Variants in TENM3 observed in about 807,000 individuals in gnomAD.
The protein encoded by TENM3 is teneurin transmembrane protein 3, also known as teneurin-3.
TENM3 carries 63 observed loss-of-function variants against 255.1 expected under a neutral mutation model. That is an observed-to-expected ratio of 0.25 (90% CI 0.20 to 0.30). The LOEUF (loss-of-function observed/expected upper bound fraction) is 0.30. TENM3 is among the 10% of genes least tolerant of loss of function. The pLI is 1.00. For missense variants in TENM3, 2,929 were observed against 3,461.1 expected (o/e 0.85, Z 3.86); for synonymous variants, 1,306 against 1,322.3 (o/e 0.99, Z 0.27).
intron 3 of TENM3, among the ~76,000 whole-genome samples, chr4:182,394,771 C>A (rs909707603): frequency 5.9e-5 from 9 of 152,264 alleles, no homozygotes; most frequent in Admixed American, 5.9e-4. Flanking sequence ...AAAGCATAAA[C>A]AATGGATTGT....
chr4:182,418,725 C>T (rs1328778928), intron 3 of TENM3, among the ~76,000 whole-genome samples: 1 of 152,108 alleles, frequency 6.6e-6, no homozygotes, highest in Non-Finnish European at 1.5e-5. Flanking sequence ...CAACACCAAG[C>T]TAATTTTTTG....
chr4:182,503,283 C>A (rs1453270352), intron 3 of TENM3, among the ~76,000 whole-genome samples: 1 of 152,150 alleles, frequency 6.6e-6, no homozygotes, highest in East Asian at 1.9e-4. Flanking sequence ...TCCCAAACTT[C>A]TCTTCTGCCA....
chr4:182,527,916 C>T (rs185916070), intron 3 of TENM3, among the ~76,000 whole-genome samples: 49 of 151,942 alleles, frequency 3.2e-4, no homozygotes, highest in East Asian at 2.3e-3. Context: ...TTAGTAGAGA[C>T]GAAGTTTCAC....
the TENM3 span, among the ~76,000 whole-genome samples, chr4:181,756,646 T>C: frequency 2.0e-5 from 3 of 152,182 alleles, no homozygotes; most frequent in African/African-American, 7.2e-5. Context: ...GATGGCAGTT[T>C]GCTGTGAGCA....
At chr4:182,748,027 A>G (rs946912531) in intron 19 of TENM3, among the ~76,000 whole-genome samples, 60 of 152,164 alleles carry the variant, frequency 3.9e-4, no homozygotes, top group Non-Finnish European at 1.2e-4. Context: ...TTCTTTGTGA[A>G]TATTTCTCTA....
chr4:181,879,620 AT>A, the TENM3 span, among the ~76,000 whole-genome samples: 5 of 152,312 alleles, frequency 3.3e-5, no homozygotes, highest in East Asian at 9.7e-4. Flanking sequence ...GGTTTTTAAA[AT>A]TCATATACAG....
At chr4:182,199,166 A>T (rs923325416) in intron 1 of TENM3, among the ~76,000 whole-genome samples, 3 of 152,138 alleles carry the variant, frequency 2.0e-5, no homozygotes, top group Admixed American at 6.5e-5. Context: ...TACCTGAAGA[A>T]TCATTGCACA....
At chr4:182,574,859 ACATATAGC>A (rs1744767694) in intron 3 of TENM3, among the ~76,000 whole-genome samples, 1 of 152,142 alleles carries the variant, frequency 6.6e-6, no homozygotes, top group Non-Finnish European at 1.5e-5. Context: ...CTACTCCCAG[ACATATAGC>A]CATATGTTTC....
chr4:181,688,171 T>C, the TENM3 span, among the ~76,000 whole-genome samples: 4 of 152,164 alleles, frequency 2.6e-5, no homozygotes, highest in Admixed American at 2.0e-4. Flanking sequence ...ATAGGAGCTA[T>C]CTTTGTCATC....
the TENM3 span, among the ~76,000 whole-genome samples, chr4:181,521,432 T>A: frequency 6.6e-6 from 1 of 152,230 alleles, no homozygotes; most frequent in Admixed American, 6.5e-5. Context: ...TTGAAACAGT[T>A]TACTTGGAAA....
At chr4:182,399,400 G>A (rs906083475) in intron 3 of TENM3, among the ~76,000 whole-genome samples, 1 of 152,168 alleles carries the variant, frequency 6.6e-6, no homozygotes, top group Admixed American at 6.5e-5. Context: ...CTGCTGAGCA[G>A]AAGCTGCTAG....
intron 4 of TENM3, among the ~76,000 whole-genome samples, chr4:182,612,404 C>T (rs56221446): frequency 6.6e-6 from 1 of 152,086 alleles, no homozygotes; most frequent in African/African-American, 2.4e-5. Context: ...GTCAACTCCT[C>T]TTCTCCTTTT....
chr4:182,443,799 G>A (rs893022689), intron 3 of TENM3, among the ~76,000 whole-genome samples: 6 of 152,214 alleles, frequency 3.9e-5, no homozygotes, highest in Non-Finnish European at 7.3e-5. Context: ...CCTGCCCAAG[G>A]TCATCTGAAT....
the TENM3 span, among the ~76,000 whole-genome samples, chr4:181,757,212 C>G: frequency 6.6e-6 from 1 of 152,196 alleles, no homozygotes; most frequent in African/African-American, 2.4e-5. Context: ...ACAATACACA[C>G]TTTTCACTAG....
chr4:182,453,376 A>G (rs1773623509), intron 3 of TENM3, among the ~76,000 whole-genome samples: 1 of 152,192 alleles, frequency 6.6e-6, no homozygotes, highest in Non-Finnish European at 1.5e-5. Flanking sequence ...TGGGCATGTC[A>G]CATTTAAATA....
intron 1 of TENM3, among the ~76,000 whole-genome samples, chr4:182,183,606 A>C (rs963641363): frequency 2.6e-5 from 4 of 152,190 alleles, no homozygotes; most frequent in Admixed American, 2.0e-4. Context: ...GAAGTTTAAC[A>C]TACTGAGAGA....
chr4:181,475,433 G>T, the TENM3 span, among the ~76,000 whole-genome samples: 40,400 of 152,046 alleles, frequency 0.27, 5,640 homozygotes, highest in Middle Eastern at 0.36. Context: ...CTGTCCTTTT[G>T]CTCTCTAGGG....
At chr4:182,373,365 A>C (rs1580334297) in intron 3 of TENM3, among the ~76,000 whole-genome samples, 1 of 152,204 alleles carries the variant, frequency 6.6e-6, no homozygotes, top group South Asian at 2.1e-4. Flanking sequence ...GTAATTTATA[A>C]CGAAAGAGGT....
At chr4:181,841,471 A>G in the TENM3 span, among the ~76,000 whole-genome samples, 7 of 152,140 alleles carry the variant, frequency 4.6e-5, no homozygotes, top group Non-Finnish European at 1.0e-4. Flanking sequence ...TAAATAAATA[A>G]TGCTCTTTGT....
Sources: allele counts gnomAD v4.1 joint callset (sites outside exome capture counted in the v4.1 genomes callset), GRCh38; gene constraint gnomAD v4.1.1; transcripts MANE v1.5; gene names NCBI Gene and HGNC (gene_info 2026-07-23, HGNC 2026-07-21).